Variants in GAB1 observed in about 807,000 individuals in gnomAD.
The protein encoded by GAB1 is GRB2-associated-binding protein 1.
GAB1 carries 19 observed loss-of-function variants against 66.5 expected under a neutral mutation model. The ratio of observed to expected loss-of-function variants is 0.29; its 90% CI spans 0.20 to 0.42. The LOEUF (loss-of-function observed/expected upper bound fraction) is 0.42. Ranked by LOEUF, GAB1 falls within the 10% of genes least tolerant of loss-of-function variation. GAB1 has a pLI of 1.00. For synonymous variants in GAB1, 294 were observed against 301.4 expected (o/e 0.98, Z 0.25); for missense variants, 732 against 858.5 (o/e 0.85, Z 1.84).
intron 1 of GAB1, among the ~76,000 whole-genome samples, chr4:143,353,672 C>T (rs74902793): frequency 7.0e-6 from 1 of 143,066 alleles, no homozygotes; most frequent in Non-Finnish European, 1.5e-5. Flanking sequence ...GAGATCCTGA[C>T]CAAAAAAAAA....
At chr4:143,371,965 A>G (rs1374971360) in intron 1 of GAB1, among the ~76,000 whole-genome samples, 2 of 152,228 alleles carry the variant, frequency 1.3e-5, no homozygotes, top group African/African-American at 4.8e-5. Flanking sequence ...ATCCAAAAAT[A>G]CAGACTTCCT....
At chr4:143,414,658 C>T (rs531041706) in intron 1 of GAB1, among the ~76,000 whole-genome samples, 1 of 152,092 alleles carries the variant, frequency 6.6e-6, no homozygotes, top group East Asian at 1.9e-4. Flanking sequence ...CCTCCCTACT[C>T]CTTGCCACCG....
intron 1 of GAB1, among the ~76,000 whole-genome samples, chr4:143,375,024 T>C (rs1420828567): frequency 6.6e-6 from 1 of 152,204 alleles, no homozygotes; most frequent in Non-Finnish European, 1.5e-5. Flanking sequence ...CCTGGCTCAC[T>C]GCAACCTCCG....
chr4:143,373,854 TCTG>T, intron 1 of GAB1, among the ~76,000 whole-genome samples: 1 of 127,088 alleles, frequency 7.9e-6, no homozygotes. Flanking sequence ...TCTCTCTCTC[TCTG>T]TAAATAAATA....
intron 1 of GAB1, among the ~76,000 whole-genome samples, chr4:143,350,268 T>TA (rs1282836081): frequency 1.3e-5 from 2 of 152,246 alleles, no homozygotes; most frequent in Non-Finnish European, 2.9e-5. Flanking sequence ...ACTTTTAAGA[T>TA]AAAGTTGACA....
rs3049720 is a variant in GAB1 at position 143,378,629 on chromosome 4, GTCTCTCTCTCTCTCTC to G, written c.73-36819_73-36804del. Among the ~76,000 whole-genome samples, 379 of 129,238 alleles carry G rather than the reference GTCTCTCTCTCTCTCTC, an allele frequency of 2.9e-3. 4 individuals carry two copies. The highest frequency in any genetic ancestry group is 0.017 in the East Asian group (74 of 4,256). The allele number at this position is 129,238 out of a possible 152,430, so 84.8% of individuals were successfully genotyped here. On this transcript the variant is annotated intron_variant, in intron 1 of 9. Transcript: ENST00000262994. ...GACAGCCTATTGGAACTTCCAAAGT[GTCTCTCTCTCTCTCTC>G]TCTCTCTCTCTCTCTCTCTCTCTCT...
rs759379589 is a variant in GAB1, at chr4:143,474,175, GATAAA to G, written c.*4992_*4996del. 17 of 152,050 alleles carry G rather than the reference GATAAA, an allele frequency of 1.1e-4. No homozygotes were observed. Among genetic ancestry groups the G allele is most frequent in the Non-Finnish European group, 2.1e-4 (14 of 67,996 alleles). 9.4% of individuals were successfully genotyped at this position (152,050 alleles called of 1,614,324 possible). ...AAAATTATACAAAATTACTATTTTT[GATAAA>G]ATAAAGGAACACCTACAGAAAATTA... On this transcript the variant is annotated 3_prime_UTR_variant, in exon 10 of 10. Transcript: ENST00000262994.
At chr4:143,374,966 C>T (rs536530430) in intron 1 of GAB1, among the ~76,000 whole-genome samples, 122 of 152,282 alleles carry the variant, frequency 8.0e-4, no homozygotes, top group African/African-American at 2.9e-3. Flanking sequence ...TCCAGGAATG[C>T]TCTTGGAGTC....
chr4:143,457,731 A>C (rs373393887), intron 6 of GAB1: 3 of 1,579,832 alleles, frequency 1.9e-6, no homozygotes, highest in Non-Finnish European at 2.6e-6. Context: ...GAGCGAACTG[A>C]TTCACAAACC....
chr4:143,412,471 T>C (rs574068200), intron 1 of GAB1, among the ~76,000 whole-genome samples: 58 of 152,346 alleles, frequency 3.8e-4, no homozygotes, highest in Non-Finnish European at 6.3e-4. Flanking sequence ...TGTACAGATA[T>C]GCTATGTACT....
At chr4:143,433,465 G>C in intron 2 of GAB1, 26 bp from the exon 3 acceptor site, 2 of 1,548,642 alleles carry the variant, frequency 1.3e-6, no homozygotes, top group South Asian at 2.2e-5. Context: ...TGTGATAGAC[G>C]TGATAGTTAA....
intron 1 of GAB1, among the ~76,000 whole-genome samples, chr4:143,366,309 C>A (rs1729880180): frequency 6.6e-6 from 1 of 152,106 alleles, no homozygotes; most frequent in Non-Finnish European, 1.5e-5. Context: ...AGAGCAGTAA[C>A]CCCACCATTA....
At position 143,438,019 on chromosome 4, in the gene GAB1, A is replaced by T; in HGVS notation, c.614A>T (p.Lys205Ile). 1 of 1,612,404 alleles carries T rather than the reference A, an allele frequency of 6.2e-7. No individual in the cohort carries two copies. Among genetic ancestry groups the T allele is most frequent in the Non-Finnish European group, 8.5e-7 (1 of 1,178,830 alleles). ...TTTAGAACGCATGCTGATTCTGCAAAATCCACCTCTTCTGAAACAGACTGC... is the reference window on the plus strand; with the variant it reads ...TTTAGAACGCATGCTGATTCTGCAATATCCACCTCTTCTGAAACAGACTGC... ...EPTRTHADSA[K>I]STSSETDCND... Residue 205 changes from lysine to isoleucine, a missense_variant, in exon 4 of 10, where the codon AAA becomes ATA. Coordinates refer to ENST00000262994, the MANE Select transcript of GAB1 (RefSeq NM_002039.4).
chr4:143,373,758 G>A (rs1581240192), intron 1 of GAB1, among the ~76,000 whole-genome samples: 2 of 151,100 alleles, frequency 1.3e-5, no homozygotes, highest in South Asian at 2.1e-4. Context: ...GTGCCAGGAA[G>A]GCAGAGGTTG....
intron 1 of GAB1, among the ~76,000 whole-genome samples, chr4:143,406,674 C>T (rs770222698): frequency 6.6e-6 from 1 of 152,232 alleles, no homozygotes; most frequent in Non-Finnish European, 1.5e-5. Flanking sequence ...ATCCAGTGGA[C>T]CCAAGGCCAG....
chr4:143,432,966 A>G (rs942301563), intron 2 of GAB1, among the ~76,000 whole-genome samples: 14 of 152,162 alleles, frequency 9.2e-5, no homozygotes, highest in Non-Finnish European at 1.8e-4. Context: ...AATAGACTTT[A>G]TTTTCACCAG....
intron 9 of GAB1, among the ~76,000 whole-genome samples, chr4:143,466,480 CTTTTTTT>C (rs776557170): frequency 2.8e-4 from 19 of 67,274 alleles, no homozygotes; most frequent in Admixed American, 1.5e-3. Context: ...TTAACAAATT[CTTTTTTT>C]TTTTTTTTTT....
At chr4:143,432,170 T>A (rs770555231) in intron 2 of GAB1, among the ~76,000 whole-genome samples, 3 of 152,128 alleles carry the variant, frequency 2.0e-5, no homozygotes, top group Non-Finnish European at 4.4e-5. Flanking sequence ...CACTGCTGTC[T>A]AACTCGAAAA....
chr4:143,386,903 A>G (rs2149682118), intron 1 of GAB1, among the ~76,000 whole-genome samples: 1 of 152,312 alleles, frequency 6.6e-6, no homozygotes, highest in Non-Finnish European at 1.5e-5. Flanking sequence ...CAAAACCTAA[A>G]GTATTTATTA....
Sources: allele counts gnomAD v4.1 joint callset (sites outside exome capture counted in the v4.1 genomes callset), GRCh38; gene constraint gnomAD v4.1.1; transcripts MANE v1.5; gene names NCBI Gene and HGNC (gene_info 2026-07-23, HGNC 2026-07-21).